PDCL2: variants seen among roughly 807,000 people sequenced by gnomAD.
PDCL2 encodes phosducin-like protein 2.
A neutral mutation model predicts 30.3 loss-of-function variants in PDCL2; 23 were observed. That is an observed-to-expected ratio of 0.76 (90% CI 0.55 to 1.08). The LOEUF (loss-of-function observed/expected upper bound fraction) is 1.08, where lower values mean the gene tolerates loss of function less well. Ranked by LOEUF, PDCL2 falls within the 50% of genes least tolerant of loss-of-function variation. The pLI, the probability that PDCL2 is intolerant of heterozygous loss-of-function variation, is 0.00. For synonymous variants in PDCL2, 68 were observed against 86.2 expected, an observed-to-expected ratio of 0.79 and a Z score of 1.17; for missense variants, 243 against 282.3, an observed-to-expected ratio of 0.86 and a Z score of 1.00.
At chr4:55,577,243 G>T (rs1732592510) in intron 3 of PDCL2, among the ~76,000 whole-genome samples, 1 of 152,172 alleles carries the variant, frequency 6.6e-6, no homozygotes. Flanking sequence ...TAAAGGGGTA[G>T]CCCTCATGAC....
At chr4:55,584,962 T>C (rs1732822400) in intron 1 of PDCL2, among the ~76,000 whole-genome samples, 1 of 152,218 alleles carries the variant, frequency 6.6e-6, no homozygotes, top group Admixed American at 6.5e-5. Flanking sequence ...TTTTTCTGCA[T>C]CTAACAAGAT....
intron 1 of PDCL2, among the ~76,000 whole-genome samples, chr4:55,591,497 C>T (rs368002214): frequency 1.9e-4 from 29 of 152,340 alleles, no homozygotes; most frequent in African/African-American, 5.8e-4. Flanking sequence ...AGCGATTCTC[C>T]TGCTTCAGCC....
chr4:55,589,494 G>A (rs1464981615), intron 1 of PDCL2, among the ~76,000 whole-genome samples: 1 of 152,168 alleles, frequency 6.6e-6, no homozygotes. Context: ...AGGCCGAAAT[G>A]TTTTTCGACA....
At chr4:55,557,036 C>T (rs1272173769) in intron 5 of PDCL2, among the ~76,000 whole-genome samples, 1 of 152,118 alleles carries the variant, frequency 6.6e-6, no homozygotes, top group East Asian at 1.9e-4. Context: ...CAGGGTTTCA[C>T]CATGTTGGCC....
At position 55,575,748 on chromosome 4, in the gene PDCL2, C is replaced by T. The variant is rs142866308; in HGVS notation, c.218+5073G>A. Among the ~76,000 whole-genome samples the T allele has an allele frequency of 6.2e-3, 949 of 152,072 alleles. 17 individuals are homozygous for T. Among genetic ancestry groups the T allele is most frequent in the African/African-American group, 0.021 (881 of 41,476 alleles). ...GTTTCTCAGCAGAAATTTTGGAAGC[C>T]AAAAAGGCAGTGAGTTGATATTTTT... is the stretch of plus-strand genomic sequence containing the variant. On this transcript the variant is annotated intron_variant, in intron 3 of 5. Transcript: ENST00000295645.
At chr4:55,582,342 A>G (rs1443682622) in intron 1 of PDCL2, 105 bp from the exon 2 acceptor site, 2 of 1,259,688 alleles carry the variant, frequency 1.6e-6, no homozygotes, top group Non-Finnish European at 2.2e-6. Context: ...ATTGTTCATG[A>G]ACTCTACAGT....
At chr4:55,558,553 T>A (rs1732044631) in intron 5 of PDCL2, among the ~76,000 whole-genome samples, 1 of 152,224 alleles carries the variant, frequency 6.6e-6, no homozygotes. Context: ...GTCTCAGGTA[T>A]GTCTTTATTA....
At chr4:55,572,355 T>C (rs531283534) in intron 3 of PDCL2, among the ~76,000 whole-genome samples, 63 of 152,302 alleles carry the variant, frequency 4.1e-4, no homozygotes, top group African/African-American at 1.4e-3. Context: ...CAGAACAACA[T>C]GCAAAACTGG....
chr4:55,562,813 C>T (rs568215289), intron 4 of PDCL2, among the ~76,000 whole-genome samples: 3 of 151,616 alleles, frequency 2.0e-5, no homozygotes, highest in African/African-American at 4.8e-5. Context: ...CCATTATAAC[C>T]CGGGAATGAA....
intron 3 of PDCL2, among the ~76,000 whole-genome samples, chr4:55,576,132 C>T (rs1043378104): frequency 2.6e-5 from 4 of 151,814 alleles, no homozygotes; most frequent in Non-Finnish European, 5.9e-5. Context: ...TGCTTTGTTG[C>T]CTAGGCTGGA....
At chr4:55,590,252 G>T (rs986157634) in intron 1 of PDCL2, among the ~76,000 whole-genome samples, 1 of 148,146 alleles carries the variant, frequency 6.8e-6, no homozygotes, top group Non-Finnish European at 1.5e-5. Flanking sequence ...ATTTCAGGTG[G>T]TACCTTTTCC....
chr4:55,584,505 T>C (rs1414128849), intron 1 of PDCL2, among the ~76,000 whole-genome samples: 1 of 152,128 alleles, frequency 6.6e-6, no homozygotes, highest in African/African-American at 2.4e-5. Flanking sequence ...GATTCACCCA[T>C]CTCGGCCTCT....
At chr4:55,582,327 A>G (rs1577917017) in intron 1 of PDCL2, 90 bp from the exon 2 acceptor site, 1 of 1,359,590 alleles carries the variant, frequency 7.4e-7, no homozygotes, top group East Asian at 2.4e-5. Context: ...ACTTCCAAGT[A>G]TTCAATTGTT....
chr4:55,571,301 C>A (rs10012559), intron 3 of PDCL2, among the ~76,000 whole-genome samples: 114,360 of 151,456 alleles, frequency 0.76, 43,563 homozygotes, highest in East Asian at 0.9. Flanking sequence ...GTGGCATGCA[C>A]CCCTCCCTTG....
chr4:55,562,454 G>T lies in PDCL2; in HGVS notation c.521C>A (p.Ala174Asp). 2.6e-6 allele frequency: 4 copies of T among 1,518,228 alleles called. No homozygotes were observed. The highest frequency in any genetic ancestry group is 1.3e-5 in the South Asian group (1 of 75,050). 94.0% of individuals were successfully genotyped at this position (1,518,228 alleles called of 1,614,324 possible). ...ACATTCTATAATTCCAATGAATTTG[G>T]CTTCTATCTGACCATTTTTATACAC... is the stretch of plus-strand genomic sequence containing the variant. ...IFVYKNGQIE[A>D]KFIGIIECGG... is the part of the protein sequence containing the mutation. Residue 174 changes from alanine to aspartate, a missense_variant, in exon 5 of 6, where the codon GCC becomes GAC. By Grantham distance (126) the Ala-to-Asp change is moderately radical. Coordinates refer to ENST00000295645, the MANE Select transcript of PDCL2 (RefSeq NM_152401.3).
intron 1 of PDCL2, among the ~76,000 whole-genome samples, chr4:55,588,573 A>C (rs1167818133): frequency 6.6e-6 from 1 of 152,202 alleles, no homozygotes; most frequent in Non-Finnish European, 1.5e-5. Context: ...GGACCTCTTA[A>C]GGCTGTGTCA....
intron 4 of PDCL2, among the ~76,000 whole-genome samples, chr4:55,566,642 G>A (rs1732277364): frequency 1.3e-5 from 2 of 151,576 alleles, no homozygotes; most frequent in Admixed American, 1.3e-4. Context: ...TGGCCAGGCT[G>A]GTCTTGAACT....
chr4:55,557,156 C>T (rs371708895), intron 5 of PDCL2, among the ~76,000 whole-genome samples: 25 of 152,072 alleles, frequency 1.6e-4, no homozygotes, highest in African/African-American at 5.3e-4. Flanking sequence ...TCTTTAGAAC[C>T]GGGTGACAGT....
intron 3 of PDCL2, among the ~76,000 whole-genome samples, 158 bp from the exon 4 acceptor site, chr4:55,570,019 C>A (rs1004643404): frequency 2.0e-5 from 3 of 152,070 alleles, no homozygotes; most frequent in African/African-American, 7.2e-5. Context: ...AAACCAATTT[C>A]TCTTTTTATA....
Sources: allele counts gnomAD v4.1 joint callset (sites outside exome capture counted in the v4.1 genomes callset), GRCh38; gene constraint gnomAD v4.1.1; transcripts MANE v1.5; gene names NCBI Gene and HGNC (gene_info 2026-07-23, HGNC 2026-07-21).